CHRM3: variants seen among roughly 807,000 people sequenced by gnomAD.
CHRM3 encodes muscarinic acetylcholine receptor M3.
CHRM3 carries 11 observed loss-of-function variants against 41.8 expected under a neutral mutation model. The ratio of observed to expected loss-of-function variants is 0.26; its 90% confidence interval spans 0.17 to 0.44. The LOEUF is 0.44. Among genes scored for constraint, CHRM3 ranks in the 20% least tolerant of loss-of-function variants. The pLI, the probability that CHRM3 is intolerant of heterozygous loss-of-function variation, is 1.00. For synonymous variants in CHRM3, 297 were observed against 301.4 expected, an observed-to-expected ratio of 0.99 and a Z score of 0.15; for missense variants, 571 against 745.4, an observed-to-expected ratio of 0.77 and a Z score of 2.72.
chr1:239,421,559 T>G (rs1661955413), intron 1 of CHRM3, among the ~76,000 whole-genome samples: 1 of 152,224 alleles, frequency 6.6e-6, no homozygotes, highest in African/African-American at 2.4e-5. Context: ...ACTATATTTA[T>G]GTGCTGATTT....
chr1:239,432,538 A>G (rs982892305), intron 1 of CHRM3, among the ~76,000 whole-genome samples: 1 of 152,144 alleles, frequency 6.6e-6, no homozygotes, highest in Non-Finnish European at 1.5e-5. Context: ...GCTTTTGCTA[A>G]TTTGGGCTTA....
At chr1:239,835,222 T>A (rs1673213737) in intron 6 of CHRM3, among the ~76,000 whole-genome samples, 1 of 152,246 alleles carries the variant, frequency 6.6e-6, no homozygotes, top group African/African-American at 2.4e-5. Flanking sequence ...AGATCTTCAG[T>A]CTTTCCGGAT....
chr1:239,538,614 C>T (rs1286073038), intron 2 of CHRM3, among the ~76,000 whole-genome samples: 1 of 152,114 alleles, frequency 6.6e-6, no homozygotes, highest in Non-Finnish European at 1.5e-5. Flanking sequence ...ATTTAACTGT[C>T]CTTACTTAAA....
At chr1:239,712,808 C>T (rs1005377665) in intron 5 of CHRM3, among the ~76,000 whole-genome samples, 1 of 152,126 alleles carries the variant, frequency 6.6e-6, no homozygotes, top group African/African-American at 2.4e-5. Flanking sequence ...TAGAGATGGT[C>T]TGTTATCCCC....
intron 1 of CHRM3, among the ~76,000 whole-genome samples, chr1:239,431,874 A>G (rs1379318169): frequency 1.3e-5 from 2 of 152,168 alleles, no homozygotes. Flanking sequence ...GACTCAAGGA[A>G]TCTTCTACTT....
intron 6 of CHRM3, among the ~76,000 whole-genome samples, chr1:239,884,028 G>A (rs956861524): frequency 5.9e-5 from 9 of 152,184 alleles, no homozygotes; most frequent in African/African-American, 2.2e-4. Context: ...GTAGTTTGAT[G>A]ATAACAGTTC....
intron 2 of CHRM3, among the ~76,000 whole-genome samples, chr1:239,524,408 A>T (rs1209116513): frequency 1.3e-5 from 2 of 151,974 alleles, no homozygotes; most frequent in African/African-American, 4.8e-5. Flanking sequence ...AAATTGTTCT[A>T]TATTCTACAG....
intron 5 of CHRM3, among the ~76,000 whole-genome samples, chr1:239,683,153 C>A (rs1174419709): frequency 1.3e-5 from 2 of 152,102 alleles, no homozygotes; most frequent in Admixed American, 6.6e-5. Flanking sequence ...TATTTTGGAA[C>A]AAAAGATGTA....
chr1:239,697,743 C>A (rs1294325707), intron 5 of CHRM3, among the ~76,000 whole-genome samples: 1 of 152,144 alleles, frequency 6.6e-6, no homozygotes, highest in Non-Finnish European at 1.5e-5. Context: ...AAACCTGTGG[C>A]CTTGCTTAGG....
intron 5 of CHRM3, among the ~76,000 whole-genome samples, chr1:239,730,214 G>T (rs1013293210): frequency 6.6e-6 from 1 of 151,878 alleles, no homozygotes; most frequent in East Asian, 1.9e-4. Flanking sequence ...CTTTTAATAT[G>T]TTATAGATAT....
intron 6 of CHRM3, among the ~76,000 whole-genome samples, chr1:239,844,410 A>G (rs1302212548): frequency 1.3e-5 from 2 of 152,224 alleles, no homozygotes; most frequent in Non-Finnish European, 2.9e-5. Flanking sequence ...AAGGAAAGAA[A>G]TACAGTATCT....
intron 3 of CHRM3, among the ~76,000 whole-genome samples, chr1:239,566,834 C>T (rs538973647): frequency 1.3e-5 from 2 of 152,300 alleles, no homozygotes; most frequent in East Asian, 1.9e-4. Context: ...AATACAATTC[C>T]TTTCACTGAT....
chr1:239,865,458 G>A (rs1380682160), intron 6 of CHRM3, among the ~76,000 whole-genome samples: 3 of 152,222 alleles, frequency 2.0e-5, no homozygotes, highest in African/African-American at 7.2e-5. Flanking sequence ...ATTCAGGAAA[G>A]GAGGAGGAAA....
chr1:239,599,509 A>G (rs559818592), intron 3 of CHRM3, among the ~76,000 whole-genome samples: 1 of 148,886 alleles, frequency 6.7e-6, no homozygotes, highest in South Asian at 2.1e-4. Flanking sequence ...TTTACTGATT[A>G]TACCCAAACT....
At chr1:239,735,164 T>C (rs988225114) in intron 5 of CHRM3, among the ~76,000 whole-genome samples, 6 of 152,174 alleles carry the variant, frequency 3.9e-5, no homozygotes, top group African/African-American at 1.4e-4. Flanking sequence ...AATGCCAGCC[T>C]CATGGAGATC....
At chr1:239,590,004 C>T (rs575227574) in intron 3 of CHRM3, among the ~76,000 whole-genome samples, 2 of 151,946 alleles carry the variant, frequency 1.3e-5, no homozygotes, top group African/African-American at 4.8e-5. Context: ...TAAAAATCTT[C>T]CTTTATTTAT....
chr1:239,618,808 C>T (rs1270183470), intron 3 of CHRM3, among the ~76,000 whole-genome samples: 1 of 139,174 alleles, frequency 7.2e-6, no homozygotes, highest in Admixed American at 7.3e-5. Context: ...CGCGCCCCTG[C>T]ACTCCAGCCT....
At chr1:239,450,876 G>A (rs796995537) in intron 1 of CHRM3, among the ~76,000 whole-genome samples, 34 of 152,120 alleles carry the variant, frequency 2.2e-4, no homozygotes, top group South Asian at 1.5e-3. Context: ...TTTGAGCATC[G>A]TCTGTTATAG....
At chr1:239,442,234 G>A (rs1418567207) in intron 1 of CHRM3, among the ~76,000 whole-genome samples, 1 of 151,778 alleles carries the variant, frequency 6.6e-6, no homozygotes, top group Non-Finnish European at 1.5e-5. Flanking sequence ...AGCCTCCTGA[G>A]TAGCTGGGAT....
Sources: allele counts gnomAD v4.1 joint callset (sites outside exome capture counted in the v4.1 genomes callset), GRCh38; gene constraint gnomAD v4.1.1; transcripts MANE v1.5; gene names NCBI Gene and HGNC (gene_info 2026-07-23, HGNC 2026-07-21).